The following CREBBP variants were observed in gnomAD, a reference collection of about 807,000 sequenced individuals.
CREBBP encodes CREB-binding protein.
A neutral mutation model predicts 265.0 loss-of-function variants in CREBBP; 19 were observed. The ratio of observed to expected loss-of-function variants is 0.07; its 90% confidence interval spans 0.05 to 0.11. The LOEUF (loss-of-function observed/expected upper bound fraction) is 0.11, where lower values mean the gene tolerates loss of function less well. Among genes scored for constraint, CREBBP ranks in the 10% least tolerant of loss-of-function variants. The pLI is 1.00. For synonymous variants in CREBBP, 1,457 were observed against 1,223.7 expected (o/e 1.19, Z -3.98); for missense variants, 2,525 against 3,219.0 (o/e 0.78, Z 5.22).
chr16:3,854,919 CTGAGAG>C (rs1567367000), intron 1 of CREBBP, among the ~76,000 whole-genome samples: 1 of 152,196 alleles, frequency 6.6e-6, no homozygotes, highest in Non-Finnish European at 1.5e-5. Context: ...AAAACCGAGA[CTGAGAG>C]TAAGTTGCAG....
chr16:3,794,266 A>C (rs373179495), intron 3 of CREBBP, among the ~76,000 whole-genome samples: 52 of 127,328 alleles, frequency 4.1e-4, no homozygotes, highest in African/African-American at 1.5e-3. Context: ...CGGGAGGCGG[A>C]GCTTGCAGTG....
chr16:3,817,039 TGGAGTGGACA>T (rs948898050), intron 2 of CREBBP, among the ~76,000 whole-genome samples: 5 of 152,160 alleles, frequency 3.3e-5, no homozygotes, highest in African/African-American at 9.7e-5. Flanking sequence ...AGCTACCAGT[TGGAGTGGACA>T]GGAGTGGACA....
intron 19 of CREBBP, among the ~76,000 whole-genome samples, chr16:3,752,644 A>G (rs987086113): frequency 2.6e-5 from 4 of 152,218 alleles, no homozygotes; most frequent in African/African-American, 9.6e-5. Flanking sequence ...ATGTAAATCC[A>G]TGAACAATCT....
At chr16:3,806,276 A>G (rs1226924476) in intron 3 of CREBBP, among the ~76,000 whole-genome samples, 1 of 152,128 alleles carries the variant, frequency 6.6e-6, no homozygotes, top group African/African-American at 2.4e-5. Flanking sequence ...CCACCCTTCC[A>G]TTCAGAGACG....
chr16:3,862,720 TACC>T (rs752429342), intron 1 of CREBBP, among the ~76,000 whole-genome samples: 10 of 152,116 alleles, frequency 6.6e-5, no homozygotes, highest in East Asian at 5.8e-4. Context: ...AATTCGTACC[TACC>T]GAGGGGCTCC....
At chr16:3,741,481 A>T (rs939729743) in intron 23 of CREBBP, 1 of 152,222 alleles carries the variant, frequency 6.6e-6, no homozygotes, top group Non-Finnish European at 1.5e-5. Flanking sequence ...TGATTTTTGG[A>T]TAAGTTGTAC....
chr16:3,743,737 A>G (rs951682140), intron 23 of CREBBP: 1 of 152,162 alleles, frequency 6.6e-6, no homozygotes, highest in Non-Finnish European at 1.5e-5. Context: ...TTGACTCTAT[A>G]AAGATTAAAT....
intron 1 of CREBBP, among the ~76,000 whole-genome samples, chr16:3,853,693 T>C (rs536618769): frequency 2.2e-4 from 34 of 151,896 alleles, no homozygotes; most frequent in African/African-American, 7.7e-4. Context: ...TCCCAGCACT[T>C]TGGGAGGCCA....
At chr16:3,735,896 C>A in intron 28 of CREBBP, 140 bp downstream of exon 28, 1 of 1,324,272 alleles carries the variant, frequency 7.6e-7, no homozygotes. Flanking sequence ...ACGCCCTGTG[C>A]TGCAGGTGGT....
chr16:3,845,918 TAAG>T (rs2054658831), intron 2 of CREBBP, among the ~76,000 whole-genome samples: 1 of 124,858 alleles, frequency 8.0e-6, no homozygotes, highest in Non-Finnish European at 1.7e-5. Flanking sequence ...AGTCATGTAA[TAAG>T]GAGAAAAATA....
rs1052070713 is a variant in CREBBP at position 3,745,025 on chromosome 16, T to C, written c.3915-64A>G. ...GATGTAAATTGTCAAACCAACAAAA[T>C]GCAGCATTCAGATAGTTTGTTGGCA... On this transcript the variant is annotated intron_variant, in intron 22 of 30. Transcript: ENST00000262367. The C allele has an allele frequency of 9.0e-6, 11 of 1,220,858 alleles. No homozygotes were observed. The African/African-American group carries it at 1.6e-4, about 18-fold the overall frequency. The allele number at this position is 1,220,858 out of a possible 1,614,324, so 75.6% of individuals were successfully genotyped here. A position where few individuals can be genotyped will look rare whatever the true frequency, so the allele number is the denominator to read the frequency against.
chr16:3,823,013 C>T (rs548695892), intron 2 of CREBBP, among the ~76,000 whole-genome samples: 10 of 152,238 alleles, frequency 6.6e-5, no homozygotes, highest in African/African-American at 9.6e-5. Context: ...ACAGAGAAAA[C>T]GTTCCTTCTA....
chr16:3,793,265 C>T (rs1440596882), intron 4 of CREBBP, 121 bp downstream of exon 4: 9 of 1,353,140 alleles, frequency 6.7e-6, no homozygotes, highest in Non-Finnish European at 8.4e-6. Flanking sequence ...TGTCTTGCCA[C>T]ACCCAATGGA....
intron 8 of CREBBP, among the ~76,000 whole-genome samples, chr16:3,780,179 T>C (rs1354627337): frequency 6.7e-6 from 1 of 149,036 alleles, no homozygotes; most frequent in African/African-American, 2.5e-5. Flanking sequence ...GAGGCGGAGG[T>C]TGCAGTGAGC....
chr16:3,745,400 G>C (rs760741108), intron 21 of CREBBP, 46 bp from the exon 22 acceptor site: 1 of 1,567,598 alleles, frequency 6.4e-7, no homozygotes. Flanking sequence ...GGAACCACAA[G>C]ACCAGAGTCA....
intron 16 of CREBBP, among the ~76,000 whole-genome samples, chr16:3,765,794 T>C (rs1272323831): frequency 1.3e-5 from 2 of 152,144 alleles, no homozygotes; most frequent in Non-Finnish European, 2.9e-5. Flanking sequence ...GCTACAGGCA[T>C]GCACTACCAT....
chr16:3,845,495 A>C (rs2141465678), intron 2 of CREBBP, among the ~76,000 whole-genome samples: 1 of 152,342 alleles, frequency 6.6e-6, no homozygotes, highest in East Asian at 1.9e-4. Flanking sequence ...ATGGATTACC[A>C]ATACTAAATA....
intron 3 of CREBBP, among the ~76,000 whole-genome samples, chr16:3,802,951 G>T (rs375905429): frequency 1.3e-5 from 2 of 152,008 alleles, no homozygotes; most frequent in East Asian, 1.9e-4. Flanking sequence ...CACTTGCTCA[G>T]GTTCCCTCAT....
chr16:3,835,537 C>CA (rs1332760935), intron 2 of CREBBP, among the ~76,000 whole-genome samples: 2 of 140,130 alleles, frequency 1.4e-5, no homozygotes, highest in Non-Finnish European at 3.1e-5. Context: ...TCTATGCCCA[C>CA]AAAAAAAGCT....
Sources: allele counts gnomAD v4.1 joint callset (sites outside exome capture counted in the v4.1 genomes callset), GRCh38; gene constraint gnomAD v4.1.1; transcripts MANE v1.5; gene names NCBI Gene and HGNC (gene_info 2026-07-23, HGNC 2026-07-21).